Variants in STAP1 observed in about 807,000 individuals in gnomAD.
STAP1 encodes the protein signal-transducing adaptor protein 1.
A neutral mutation model predicts 37.8 loss-of-function variants in STAP1; 30 were observed. The ratio of observed to expected loss-of-function variants is 0.79; its 90% CI spans 0.59 to 1.08. STAP1 has a LOEUF of 1.08. STAP1 is among the 50% of genes least tolerant of loss of function. The probability of loss-of-function intolerance (pLI) is 0.00; values close to 1 mark genes in which losing one functional copy is unlikely to be tolerated. For synonymous variants in STAP1, 130 were observed against 116.0 expected (o/e 1.12, Z -0.78); for missense variants, 357 against 349.4 (o/e 1.02, Z -0.17).
intron 8 of STAP1, among the ~76,000 whole-genome samples, chr4:67,604,945 C>T (rs1217399900): frequency 6.6e-6 from 1 of 152,184 alleles, no homozygotes; most frequent in Non-Finnish European, 1.5e-5. Context: ...TAGCTGTCAA[C>T]GCCTTTGCCA....
intron 6 of STAP1, among the ~76,000 whole-genome samples, chr4:67,584,323 A>G (rs750555066): frequency 5.9e-5 from 9 of 152,204 alleles, no homozygotes; most frequent in Non-Finnish European, 1.3e-4. Context: ...CGCAGTGAAA[A>G]AAACAAACAT....
intron 2 of STAP1, among the ~76,000 whole-genome samples, chr4:67,572,103 C>T (rs558048877): frequency 6.6e-6 from 1 of 152,326 alleles, no homozygotes; most frequent in Admixed American, 6.5e-5. Context: ...TCTCTTCAGA[C>T]AGCCTGCCTG....
intron 2 of STAP1, among the ~76,000 whole-genome samples, chr4:67,574,938 T>G (rs1343918692): frequency 1.3e-5 from 2 of 152,122 alleles, no homozygotes; most frequent in Non-Finnish European, 2.9e-5. Flanking sequence ...TCACGGAGCA[T>G]GTAGTTGGGA....
intron 8 of STAP1, among the ~76,000 whole-genome samples, chr4:67,597,267 C>T (rs984119074): frequency 2.6e-5 from 4 of 152,132 alleles, no homozygotes; most frequent in African/African-American, 7.2e-5. Flanking sequence ...AGGTGTTGAG[C>T]CTGCAGGTGT....
At chr4:67,568,908 A>T (rs1251175631) in intron 1 of STAP1, among the ~76,000 whole-genome samples, 1 of 152,230 alleles carries the variant, frequency 6.6e-6, no homozygotes, top group Non-Finnish European at 1.5e-5. Context: ...TTGCATAAAA[A>T]GTCTTAAATC....
At position 67,588,704 on chromosome 4, in the gene STAP1, C is replaced by T. The variant is rs943784526; in HGVS notation, c.660-2180C>T. Among the ~76,000 whole-genome samples the T allele has an allele frequency of 4.6e-5, 7 of 152,282 alleles. No individual in the cohort carries two copies. In the East Asian group the frequency reaches 7.7e-4, roughly 17 times the overall value. Reference sequence around the variant, plus strand: ...GATTACAGGCGTGAACCACTGCGCCCGGCCAATATGATGGCTTTTAAAAAC... The same window carrying T: ...GATTACAGGCGTGAACCACTGCGCCTGGCCAATATGATGGCTTTTAAAAAC... On this transcript the variant is annotated intron_variant, in intron 6 of 8. Transcript: ENST00000265404.
chr4:67,587,864 G>A (rs2109869198), intron 6 of STAP1, among the ~76,000 whole-genome samples: 1 of 151,314 alleles, frequency 6.6e-6, no homozygotes, highest in Non-Finnish European at 1.5e-5. Flanking sequence ...GGGATTACAA[G>A]CATGTGCCAC....
At chr4:67,575,599 T>C in intron 3 of STAP1, 101 bp downstream of exon 3, 1 of 842,262 alleles carries the variant, frequency 1.2e-6, no homozygotes, top group Non-Finnish European at 1.9e-6. Context: ...ACAGGCTAAG[T>C]CTTACACTTT....
At chr4:67,598,603 T>G (rs1302255367) in intron 8 of STAP1, among the ~76,000 whole-genome samples, 4 of 152,182 alleles carry the variant, frequency 2.6e-5, no homozygotes, top group Non-Finnish European at 5.9e-5. Context: ...TATTCAGATA[T>G]TTTGCCCATT....
At chr4:67,562,281 G>T (rs1298689616) in intron 1 of STAP1, among the ~76,000 whole-genome samples, 1 of 151,712 alleles carries the variant, frequency 6.6e-6, no homozygotes, top group African/African-American at 2.4e-5. Flanking sequence ...GGCGGAGGTT[G>T]CAGTGAGTCA....
At position 67,581,604 on chromosome 4, in the gene STAP1, G is replaced by T. The variant is rs1727861945; in HGVS notation, c.530+133G>T. On this transcript the variant is annotated intron_variant, in intron 5 of 8. Coordinates refer to ENST00000265404, the MANE Select transcript of STAP1 (RefSeq NM_012108.4). ...TCTTGGGGATAAACTGTATATCTCT[G>T]CGTACATGCCATATTTCCTCTTCTA... 3.3e-6 allele frequency: 3 copies of T among 922,474 alleles called. No individual in the cohort carries two copies. The South Asian group carries it at 6.5e-5, about 20-fold the overall frequency. The allele number at this position is 922,474 out of a possible 1,614,324, so 57.1% of individuals were successfully genotyped here.
intron 6 of STAP1, among the ~76,000 whole-genome samples, chr4:67,587,133 T>C (rs1189459755): frequency 6.6e-6 from 1 of 152,206 alleles, no homozygotes; most frequent in Non-Finnish European, 1.5e-5. Flanking sequence ...TACAGAGTAT[T>C]AGAATTTTAG....
chr4:67,606,277 T>G lies in STAP1; in HGVS notation c.827-19T>G. 1 of 1,597,286 alleles carries G rather than the reference T, an allele frequency of 6.3e-7. No individual in the cohort carries two copies. The highest frequency in any genetic ancestry group is 8.5e-7 in the Non-Finnish European group (1 of 1,175,058). On this transcript the variant is annotated intron_variant, in intron 8 of 8. Coordinates refer to ENST00000265404, the MANE Select transcript of STAP1 (RefSeq NM_012108.4). Reference sequence around the variant, plus strand: ...CAATATTGGTTCGCTAATTAAGTTTTTCTACCCACAATTTCTAGGTCAAGA... The same window carrying G: ...CAATATTGGTTCGCTAATTAAGTTTGTCTACCCACAATTTCTAGGTCAAGA...
chr4:67,582,308 T>TG lies in STAP1; in HGVS notation c.530+837_530+838insG, dbSNP rs1311133085. Among the ~76,000 whole-genome samples, 4 of 132,708 alleles carry TG rather than the reference T, an allele frequency of 3.0e-5. No individual in the cohort carries two copies. In the East Asian group the frequency reaches 6.3e-4, roughly 21 times the overall value. 87.1% of individuals were successfully genotyped at this position (132,708 alleles called of 152,430 possible). A position where few individuals can be genotyped will look rare whatever the true frequency, so the allele number is the denominator to read the frequency against. ...TTTGCTATTAACATTTTAGTTTTTT[T>TG]TTTGTTTTTTTTGTTTTTTTTGAGA... On this transcript the variant is annotated intron_variant, in intron 5 of 8. Coordinates refer to ENST00000265404, the MANE Select transcript of STAP1 (RefSeq NM_012108.4).
intron 4 of STAP1, among the ~76,000 whole-genome samples, chr4:67,581,020 A>G (rs975106883): frequency 6.6e-6 from 1 of 152,178 alleles, no homozygotes; most frequent in Admixed American, 6.5e-5. Context: ...TGTTACTTGA[A>G]TTAGCTTTTA....
Position 67,590,912 on chromosome 4 carries a change from A to G in STAP1, c.688A>G (p.Met230Val), listed in dbSNP as rs750205117. 6.2e-6 allele frequency: 10 copies of G among 1,612,908 alleles called. No individual in the cohort carries two copies. The highest frequency in any genetic ancestry group is 8.5e-7 in the Non-Finnish European group (1 of 1,179,578). ...TCCAAGAATCAAGCACTACAAAGTG[A>G]TGAGCGTAGGACAAAACTACACTAT... The part of the protein sequence containing the change: ...DIPRIKHYKV[M>V]SVGQNYTIEL... The change falls in exon 7 of 9, where the codon ATG becomes GTG. Residue 230 changes from methionine to valine, a missense_variant. Met to Val is a conservative substitution (Grantham distance 21, BLOSUM62 1). Transcript: ENST00000265404.
At chr4:67,583,976 T>C (rs965909158) in intron 6 of STAP1, among the ~76,000 whole-genome samples, 1 of 151,772 alleles carries the variant, frequency 6.6e-6, no homozygotes, top group South Asian at 2.1e-4. Context: ...CACGTGCCTG[T>C]AGTCCCAGCT....
chr4:67,565,325 T>A (rs561182466), intron 1 of STAP1, among the ~76,000 whole-genome samples: 1 of 152,280 alleles, frequency 6.6e-6, no homozygotes, highest in South Asian at 2.1e-4. Flanking sequence ...TTAAACCTCT[T>A]TATTTAAGAA....
chr4:67,579,873 A>AT (rs996764590), intron 4 of STAP1, among the ~76,000 whole-genome samples: 38 of 148,740 alleles, frequency 2.6e-4, no homozygotes, highest in African/African-American at 3.2e-4. Context: ...TAACAATACC[A>AT]TTTTTTTTTT....
Sources: gnomAD v4.1 joint callset for allele counts (sites outside exome capture counted in the v4.1 genomes callset) on GRCh38, gnomAD v4.1.1 for gene constraint, MANE v1.5 for transcripts, NCBI Gene and HGNC (gene_info 2026-07-23, HGNC 2026-07-21) for gene names.